EML5: variants seen among roughly 807,000 people sequenced by gnomAD.
EML5 encodes echinoderm microtubule-associated protein-like 5.
A neutral mutation model predicts 250.0 loss-of-function variants in EML5; 120 were observed. That is an observed-to-expected ratio of 0.48 (90% CI 0.41 to 0.56). The LOEUF is 0.56. Among genes scored for constraint, EML5 ranks in the 20% least tolerant of loss-of-function variants. The probability of loss-of-function intolerance (pLI) is 0.00; values close to 1 mark genes in which losing one functional copy is unlikely to be tolerated. For synonymous variants in EML5, 771 were observed against 806.5 expected, an observed-to-expected ratio of 0.96 and a Z score of 0.75; for missense variants, 2,006 against 2,437.6, an observed-to-expected ratio of 0.82 and a Z score of 3.73.
intron 17 of EML5, among the ~76,000 whole-genome samples, chr14:88,694,009 G>A (rs1331870950): frequency 1.3e-5 from 2 of 150,992 alleles, no homozygotes; most frequent in Non-Finnish European, 2.9e-5. Flanking sequence ...CTAGGCTCAA[G>A]TGATCCTCCC....
intron 25 of EML5, 60 bp downstream of exon 25, chr14:88,661,594 A>C (rs1466425674): frequency 6.9e-7 from 1 of 1,452,070 alleles, no homozygotes; most frequent in African/African-American, 1.4e-5. Flanking sequence ...CTATGACAGG[A>C]CATTACCTTA....
At chr14:88,753,440 T>G (rs1157715072) in intron 2 of EML5, among the ~76,000 whole-genome samples, 1 of 152,234 alleles carries the variant, frequency 6.6e-6, no homozygotes, top group Non-Finnish European at 1.5e-5. Context: ...TGTAATTTGT[T>G]TCTGTAAAAT....
At chr14:88,641,531 C>T (rs1286752372) in intron 31 of EML5, among the ~76,000 whole-genome samples, 12 of 152,034 alleles carry the variant, frequency 7.9e-5, no homozygotes, top group Admixed American at 1.3e-4. Context: ...TGCAAATTAA[C>T]GAATGTGATT....
intron 14 of EML5, among the ~76,000 whole-genome samples, chr14:88,700,703 C>T (rs1322434948): frequency 6.6e-6 from 1 of 152,114 alleles, no homozygotes; most frequent in Non-Finnish European, 1.5e-5. Context: ...CCCACAAAAA[C>T]AAACACAAAA....
intron 7 of EML5, among the ~76,000 whole-genome samples, chr14:88,728,040 T>G (rs2140102781): frequency 6.6e-6 from 1 of 152,340 alleles, no homozygotes; most frequent in East Asian, 1.9e-4. Flanking sequence ...ACTTGTGAAA[T>G]ATAGCTGAAA....
intron 27 of EML5, among the ~76,000 whole-genome samples, chr14:88,656,525 G>C (rs1268134410): frequency 1.3e-5 from 2 of 152,084 alleles, no homozygotes; most frequent in African/African-American, 2.4e-5. Flanking sequence ...TAGATGATGG[G>C]CTGATGGATG....
At chr14:88,662,339 G>GTTT (rs71127000) in intron 24 of EML5, among the ~76,000 whole-genome samples, 1,927 of 55,564 alleles carry the variant, frequency 0.035, 233 homozygotes, top group African/African-American at 0.099. Context: ...AATTTTTCTT[G>GTTT]TTTTTTTTTT....
intron 10 of EML5, among the ~76,000 whole-genome samples, chr14:88,709,003 T>G (rs1050254302): frequency 1.3e-5 from 2 of 152,120 alleles, no homozygotes; most frequent in Admixed American, 6.6e-5. Context: ...TATTTGTGTT[T>G]CAATGATTCC....
At chr14:88,657,834 G>A (rs1242745081) in intron 26 of EML5, among the ~76,000 whole-genome samples, 1 of 152,072 alleles carries the variant, frequency 6.6e-6, no homozygotes, top group Non-Finnish European at 1.5e-5. Flanking sequence ...TATGGAGGCT[G>A]TGTTTAATTT....
In EML5 at chr14:88,681,879, G is replaced by A; in HGVS notation, c.3124+11C>T. The stretch of plus-strand genomic sequence containing the variant: ...GAGCTTAATCTACGTTCAAGTGTGA[G>A]AGCCTCTTACCCTTTTTCAGCTTCC... On this transcript the variant is annotated intron_variant, in intron 21 of 43. Coordinates refer to ENST00000554922, the MANE Select transcript of EML5 (RefSeq NM_183387.3). 1 of 1,595,740 alleles carries A rather than the reference G, an allele frequency of 6.3e-7. No individual in the cohort carries two copies.
chr14:88,753,409 G>A (rs1286462590), intron 2 of EML5, among the ~76,000 whole-genome samples: 1 of 152,182 alleles, frequency 6.6e-6, no homozygotes, highest in Non-Finnish European at 1.5e-5. Context: ...TGGCTATCAT[G>A]TTCAAGGGGA....
chr14:88,627,017 T>G lies in EML5; in HGVS notation c.4561A>C (p.Asn1521His), dbSNP rs1316811794. The G allele has an allele frequency of 6.2e-7, 1 of 1,613,754 alleles. No individual in the cohort carries two copies. The highest frequency in any genetic ancestry group is 1.3e-5 in the African/African-American group (1 of 74,884). Residue 1521 changes from asparagine to histidine, a missense_variant, in exon 35 of 44, where the codon AAT becomes CAT. By Grantham distance (68) the Asn-to-His change is moderately conservative. This residue lies in a region of EML5 where 405 missense variants were observed against 523.3 expected (regional missense o/e 0.77). Transcript: ENST00000554922. ...GAKIASRAGH[N>H]QRIFVAEFRP... ...AATTCTGCCACAAAAATACGTTGAT[T>G]GTGACCAGCTCTGCTGGCAATTTTG...
intron 25 of EML5, among the ~76,000 whole-genome samples, chr14:88,660,613 C>T (rs999498241): frequency 9.2e-5 from 14 of 151,706 alleles, no homozygotes; most frequent in African/African-American, 2.9e-4. Flanking sequence ...CATGGTGGTG[C>T]GCGCCTGTAA....
chr14:88,643,234 A>G (rs971935994), intron 30 of EML5, among the ~76,000 whole-genome samples: 14 of 152,158 alleles, frequency 9.2e-5, no homozygotes, highest in African/African-American at 3.4e-4. Context: ...ACTTTTCTAT[A>G]TAAAGTTATG....
rs1450511923 is a variant in EML5, at chr14:88,704,303, C to A, written c.2051+557G>T. On this transcript the variant is annotated intron_variant, in intron 13 of 43. Coordinates refer to ENST00000554922, the MANE Select transcript of EML5 (RefSeq NM_183387.3). ...TCTCTTGCTAGGTAACACACCTGCT[C>A]CCCCTTTGCCTTCTGCCATGAGTAA... Among the ~76,000 whole-genome samples the A allele has an allele frequency of 2.0e-5, 3 of 152,270 alleles. No homozygotes were observed. In the East Asian group the frequency reaches 5.8e-4, roughly 29 times the overall value.
intron 32 of EML5, among the ~76,000 whole-genome samples, chr14:88,635,795 T>C (rs1268872188): frequency 6.6e-6 from 1 of 152,070 alleles, no homozygotes; most frequent in African/African-American, 2.4e-5. Flanking sequence ...GTGATGGTAT[T>C]AGGAGGTGTG....
chr14:88,765,884 G>A (rs931647859), intron 1 of EML5, among the ~76,000 whole-genome samples: 1 of 152,184 alleles, frequency 6.6e-6, no homozygotes, highest in African/African-American at 2.4e-5. Context: ...TGGGAAGTCA[G>A]GGACCCCGAA....
chr14:88,769,988 T>C (rs1207332485), intron 1 of EML5, among the ~76,000 whole-genome samples: 10 of 152,112 alleles, frequency 6.6e-5, no homozygotes, highest in African/African-American at 1.9e-4. Flanking sequence ...TTTTGGTCTT[T>C]ATCCTTACAG....
At chr14:88,616,326 C>G (rs2087607017) in intron 42 of EML5, 84 bp from the exon 43 acceptor site, 4 of 1,331,442 alleles carry the variant, frequency 3.0e-6, no homozygotes, top group Non-Finnish European at 4.3e-6. Flanking sequence ...ATCTCTATGA[C>G]AAGAGCTGTG....
Sources: allele counts gnomAD v4.1 joint callset (sites outside exome capture counted in the v4.1 genomes callset), GRCh38; gene constraint gnomAD v4.1.1; regional missense constraint gnomAD v4.1.1; transcripts MANE v1.5; gene names NCBI Gene and HGNC (gene_info 2026-07-23, HGNC 2026-07-21).